The following SLC38A8 variants were observed in gnomAD, a reference collection of about 807,000 sequenced individuals.
SLC38A8 encodes the protein amino acid transporter SLC38A8.
In SLC38A8, 65 loss-of-function variants were observed where a neutral mutation model predicts 46.0. The ratio of observed to expected loss-of-function variants is 1.41; its 90% CI spans 1.16 to 1.74. The LOEUF is 1.74. SLC38A8 is among the 40% of genes most tolerant of loss of function. The pLI is 0.00. For missense variants in SLC38A8, 998 were observed against 567.9 expected (o/e 1.76, Z -7.70); for synonymous variants, 447 against 243.7 (o/e 1.83, Z -7.77).
chr16:84,014,702 T>C, intron 9 of SLC38A8, among the ~76,000 whole-genome samples: 1 of 152,226 alleles, frequency 6.6e-6, no homozygotes, highest in Non-Finnish European at 1.5e-5. Context: ...TTAATCCCAG[T>C]AGACCCCAAT....
At chr16:84,015,430 G>T (rs772649180) in intron 9 of SLC38A8, among the ~76,000 whole-genome samples, 17 of 152,082 alleles carry the variant, frequency 1.1e-4, no homozygotes, top group Non-Finnish European at 2.2e-4. Context: ...GGAGACATTT[G>T]CAGGGTGCCT....
At chr16:84,034,063 G>A (rs561345610) in intron 3 of SLC38A8, among the ~76,000 whole-genome samples, 1 of 152,312 alleles carries the variant, frequency 6.6e-6, no homozygotes, top group Admixed American at 6.5e-5. Context: ...AGTGGGGCTG[G>A]TCTGGAGGAA....
intron 6 of SLC38A8, among the ~76,000 whole-genome samples, chr16:84,028,554 C>A (rs1410159459): frequency 6.9e-6 from 1 of 145,174 alleles, no homozygotes; most frequent in African/African-American, 2.5e-5. Context: ...AAGAATGAGA[C>A]TCCAACTCAA....
At chr16:84,036,211 C>A (rs986311188) in intron 3 of SLC38A8, among the ~76,000 whole-genome samples, 2 of 152,226 alleles carry the variant, frequency 1.3e-5, no homozygotes, top group African/African-American at 4.8e-5. Flanking sequence ...TGAAAAGGAG[C>A]AAATATTTTA....
rs2085265682 is a variant in SLC38A8, at chr16:84,033,273, G to A, written c.530+55C>T. On this transcript the variant is annotated intron_variant, in intron 4 of 10. Coordinates refer to ENST00000299709, the MANE Select transcript of SLC38A8 (RefSeq NM_001080442.3). ...CTGACCCCAGATGGACAGAAACCCT[G>A]ACACAAACACTCAGCAAGGTGGGGG... 3 of 1,611,726 alleles carry A rather than the reference G, an allele frequency of 1.9e-6. No homozygotes were observed. In the African/African-American group the frequency reaches 4.0e-5, roughly 22 times the overall value.
At chr16:84,010,025 G>C (rs916814827) in intron 10 of SLC38A8, 148 bp from the exon 11 acceptor site, 4 of 570,172 alleles carry the variant, frequency 7.0e-6, no homozygotes, top group Non-Finnish European at 1.1e-5. Context: ...GTTACCTGTA[G>C]GGATGGGTTT....
At chr16:84,021,196 G>A (rs2085090861) in intron 7 of SLC38A8, among the ~76,000 whole-genome samples, 1 of 152,128 alleles carries the variant, frequency 6.6e-6, no homozygotes, top group African/African-American at 2.4e-5. Flanking sequence ...CCAAGCAGCT[G>A]GGATTACAGG....
In SLC38A8 at chr16:84,042,714, G is replaced by T. The variant is rs1035768135; in HGVS notation, c.-166C>A. The T allele has an allele frequency of 1.3e-5, 2 of 153,294 alleles. No individual in the cohort carries two copies. The highest frequency in any genetic ancestry group is 2.4e-5 in the African/African-American group (1 of 41,462). The allele number at this position is 153,294 out of a possible 1,614,324, so 9.5% of individuals were successfully genotyped here. ...TGAGTCATTAACTAAAGGAGCCCTAGCGAGTATGTGTCAGGGTCAGGCCCC... is the reference window on the plus strand; with the variant it reads ...TGAGTCATTAACTAAAGGAGCCCTATCGAGTATGTGTCAGGGTCAGGCCCC... On this transcript the variant is annotated 5_prime_UTR_variant, in exon 1 of 11. Transcript: ENST00000299709.
At chr16:84,011,856 C>T (rs1567688166) in intron 10 of SLC38A8, among the ~76,000 whole-genome samples, 1 of 152,106 alleles carries the variant, frequency 6.6e-6, no homozygotes, top group Non-Finnish European at 1.5e-5. Context: ...TGCACTCCAG[C>T]CGGAGCAACA....
chr16:84,023,851 G>A (rs902905421), intron 6 of SLC38A8, among the ~76,000 whole-genome samples: 1 of 152,204 alleles, frequency 6.6e-6, no homozygotes, highest in Non-Finnish European at 1.5e-5. Context: ...CCAAGATCGT[G>A]CCACTGCACT....
chr16:84,024,504 G>A (rs1278361324), intron 6 of SLC38A8, among the ~76,000 whole-genome samples: 1 of 152,098 alleles, frequency 6.6e-6, no homozygotes, highest in Non-Finnish European at 1.5e-5. Flanking sequence ...AACGCAGGAG[G>A]GAGCGGTGGC....
In SLC38A8 at chr16:84,013,043, A is replaced by G; in HGVS notation, c.1172T>C (p.Leu391Pro). Residue 391 changes from leucine (L) to proline (P), a missense_variant, in exon 10 of 11, where the codon CTC (leucine) becomes CCC (proline). Leu to Pro is a moderately conservative substitution (Grantham distance 98). Transcript: ENST00000299709. ...FFIFIFPGLC[L>P]ICAMGVEPIG... Reference sequence around the variant, plus strand: ...AGGCTCGACACCCATTGCACAGATGAGGCACAAACCTGCAAAAAAGACAGG... The same window carrying G: ...AGGCTCGACACCCATTGCACAGATGGGGCACAAACCTGCAAAAAAGACAGG... 1 of 1,614,144 alleles carries G rather than the reference A, an allele frequency of 6.2e-7. No individual in the cohort carries two copies.
intron 10 of SLC38A8, among the ~76,000 whole-genome samples, chr16:84,011,513 A>T (rs2084953248): frequency 6.6e-6 from 1 of 152,170 alleles, no homozygotes; most frequent in Admixed American, 6.5e-5. Context: ...AGGGGAACAG[A>T]CCTACAGCTG....
At position 84,027,783 on chromosome 16, in the gene SLC38A8, G is replaced by A. The variant is rs565336200; in HGVS notation, c.690+1711C>T. 1.1e-4 allele frequency among the ~76,000 whole-genome samples: 17 copies of A among 152,324 alleles called. No homozygotes were observed. In the East Asian group the frequency reaches 2.5e-3, roughly 22 times the overall value. On this transcript the variant is annotated intron_variant, in intron 6 of 10. Transcript: ENST00000299709. ...TTGCTAGGAGAATCCGGTGAGGGCT[G>A]GAGGCAAAGGTGAGGGGCACCCCTT...
At chr16:84,037,716 G>T (rs1242811429) in intron 2 of SLC38A8, among the ~76,000 whole-genome samples, 1 of 149,710 alleles carries the variant, frequency 6.7e-6, no homozygotes, top group Non-Finnish European at 1.5e-5. Context: ...AGCCAAAATT[G>T]TACCTCTGTA....
At chr16:84,023,918 G>A (rs1208798063) in intron 6 of SLC38A8, among the ~76,000 whole-genome samples, 1 of 152,192 alleles carries the variant, frequency 6.6e-6, no homozygotes, top group African/African-American at 2.4e-5. Context: ...CCGGGCAGCA[G>A]AGAATGTTTC....
intron 6 of SLC38A8, among the ~76,000 whole-genome samples, chr16:84,028,680 C>A (rs2085197353): frequency 6.6e-6 from 1 of 150,482 alleles, no homozygotes; most frequent in African/African-American, 2.4e-5. Context: ...AGGCCCGCCA[C>A]CTCCCCTGCC....
chr16:84,019,701 C>G (rs528476463), intron 7 of SLC38A8, among the ~76,000 whole-genome samples: 1 of 152,344 alleles, frequency 6.6e-6, no homozygotes, highest in South Asian at 2.1e-4. Flanking sequence ...GGTCCAAAGT[C>G]CAGAGTGTGG....
intron 9 of SLC38A8, among the ~76,000 whole-genome samples, chr16:84,015,722 T>G (rs2085017417): frequency 6.6e-6 from 1 of 152,172 alleles, no homozygotes; most frequent in South Asian, 2.1e-4. Context: ...TTGTTTTGTT[T>G]GAGATGGAGT....
Sources: allele counts gnomAD v4.1 joint callset (sites outside exome capture counted in the v4.1 genomes callset), GRCh38; gene constraint gnomAD v4.1.1; transcripts MANE v1.5; gene names NCBI Gene and HGNC (gene_info 2026-07-23, HGNC 2026-07-21).